The following CHRNE variants were observed in gnomAD, a reference collection of about 807,000 sequenced individuals.
CHRNE encodes the protein acetylcholine receptor subunit epsilon.
In CHRNE, 58 loss-of-function variants were observed where a neutral mutation model predicts 56.5. The observed-to-expected ratio is 1.03, with a 90% CI of 0.83 to 1.28. The LOEUF (loss-of-function observed/expected upper bound fraction) is 1.28, where lower values mean the gene tolerates loss of function less well. Among genes scored for constraint, CHRNE ranks in the 50% most tolerant of loss-of-function variants. The pLI is 0.00. For missense variants in CHRNE, 793 were observed against 688.9 expected, an observed-to-expected ratio of 1.15 and a Z score of -1.69; for synonymous variants, 385 against 297.9, an observed-to-expected ratio of 1.29 and a Z score of -3.01.
In CHRNE at chr17:4,901,621, G is replaced by GAGAGCTGCGGAGCC. The variant is rs768552387; in HGVS notation, c.501-10_504dup (p.Gln169GlyfsTer19). 22 of 1,613,826 alleles carry GAGAGCTGCGGAGCC rather than the reference G, an allele frequency of 1.4e-5. No individual in the cohort carries two copies. Among genetic ancestry groups the GAGAGCTGCGGAGCC allele is most frequent in the South Asian group, 1.1e-4 (10 of 91,090 alleles). On this transcript the variant is annotated frameshift_variant, in exon 6 of 12. Coordinates refer to ENST00000649488, the MANE Select transcript of CHRNE (RefSeq NM_000080.4). LOFTEE classifies it high-confidence loss of function. ...TCCACCTCTTCGGCATTGTACGTCTGAGAGCTGCGGAGCCAGGGCCGGGAG... is the reference window on the plus strand; with the variant it reads ...TCCACCTCTTCGGCATTGTACGTCTGAGAGCTGCGGAGCCAGAGCTGCGGAGCCAGGGCCGGGAG...
Position 4,902,015 on chromosome 17 carries a change from C to A in CHRNE, c.417G>T (p.Leu139=). The A allele has an allele frequency of 1.9e-6, 3 of 1,614,120 alleles. No individual in the cohort carries two copies. The highest frequency in any genetic ancestry group is 2.5e-6 in the Non-Finnish European group (3 of 1,180,038). The part of the protein sequence containing the change: ...LVYEGGSVTW[L]PPAIYRSVCA... ...AGACGCTGCGGTAGATGGCCGGAGG[C>A]AGCCACGTCACGGAGCCGCCCTCGT... The change falls in exon 5 of 12, where the codon CTG becomes CTT. Residue 139 remains leucine, a synonymous_variant. Transcript: ENST00000649488. This position sits in a 1 kb window ranked among gnomAD's most constrained non-coding sequence, Gnocchi z 4.0.
In CHRNE at chr17:4,901,295, C is replaced by T. The variant is rs563436065; in HGVS notation, c.602-105G>A. Reference sequence around the variant, plus strand: ...GGCTGTCTGCACCAGGGTCATGGGCCGTCAGGATGGGGGCAATTACGGACA... The same window carrying T: ...GGCTGTCTGCACCAGGGTCATGGGCTGTCAGGATGGGGGCAATTACGGACA... On this transcript the variant is annotated intron_variant, in intron 6 of 11. Transcript: ENST00000649488. 7.6e-5 allele frequency: 99 copies of T among 1,307,630 alleles called. No individual in the cohort carries two copies. In the African/African-American group the frequency reaches 1.3e-3, roughly 17 times the overall value. The allele number at this position is 1,307,630 out of a possible 1,614,324, so 81.0% of individuals were successfully genotyped here. A position where few individuals can be genotyped will look rare whatever the true frequency, so the allele number is the denominator to read the frequency against.
intron 9 of CHRNE, 25 bp from the exon 10 acceptor site, chr17:4,899,409 G>C: frequency 1.3e-6 from 2 of 1,540,206 alleles, no homozygotes; most frequent in Non-Finnish European, 1.7e-6. Context: ...GGGCTTAGGG[G>C]ACGAGGTTAG....
intron 8 of CHRNE, 99 bp downstream of exon 8, chr17:4,900,694 G>A (rs138412824): frequency 8.9e-5 from 130 of 1,466,718 alleles, no homozygotes; most frequent in Non-Finnish European, 1.2e-4. Context: ...AAAGCCCAGG[G>A]CGGGGCGAGA....
chr17:4,898,743 T>C lies in CHRNE; in HGVS notation c.1475A>G (p.Gln492Arg). The change falls in exon 12 of 12, where the codon CAG becomes CGG. Residue 492 changes from glutamine (Q) to arginine (R), a missense_variant. By Grantham distance (43) the Gln-to-Arg change is conservative. Transcript: ENST00000649488. Reference sequence around the variant, plus strand: ...AATTGAAGTCGGTGCGAGCTAAGGCTGGATACACGGCGCGTAGGGGAGATC... The same window carrying C: ...AATTGAAGTCGGTGCGAGCTAAGGCCGGATACACGGCGCGTAGGGGAGATC... ...VPDLPYAPCI[Q>R]P is the part of the protein sequence containing the mutation. 1 of 1,611,042 alleles carries C rather than the reference T, an allele frequency of 6.2e-7. No individual in the cohort carries two copies. Among genetic ancestry groups the C allele is most frequent in the South Asian group, 1.1e-5 (1 of 90,252 alleles).
chr17:4,907,903 A>G (rs571262057), upstream of CHRNE, among the ~76,000 whole-genome samples: 27 of 151,906 alleles, frequency 1.8e-4, no homozygotes, highest in Admixed American at 7.9e-4. Context: ...TTAGTCGGGC[A>G]CGGTGGCTCA....
intron 5 of CHRNE, 40 bp downstream of exon 5, chr17:4,901,892 C>CCG (rs386794777): frequency 1.0e-5 from 16 of 1,606,558 alleles, no homozygotes; most frequent in African/African-American, 6.8e-5. Flanking sequence ...AGGCCCCCCC[C>CCG]CAACAATAAT....
chr17:4,902,009 C>T lies in CHRNE; in HGVS notation c.423G>A (p.Pro141=). The T allele has an allele frequency of 1.2e-6, 2 of 1,614,100 alleles. No individual in the cohort carries two copies. Among genetic ancestry groups the T allele is most frequent in the East Asian group, 2.2e-5 (1 of 44,884 alleles). The change falls in exon 5 of 12, where the codon CCG becomes CCA. Residue 141 remains proline, a synonymous_variant. Coordinates refer to ENST00000649488, the MANE Select transcript of CHRNE (RefSeq NM_000080.4). The surrounding 1 kb of genome is among the most constrained non-coding windows in gnomAD (Gnocchi z 4.0). Reference sequence around the variant, plus strand: ...CTGCGCAGACGCTGCGGTAGATGGCCGGAGGCAGCCACGTCACGGAGCCGC... The same window carrying T: ...CTGCGCAGACGCTGCGGTAGATGGCTGGAGGCAGCCACGTCACGGAGCCGC... The part of the protein sequence containing the change: ...YEGGSVTWLP[P]AIYRSVCAVE...
chr17:4,898,521 C>T lies in CHRNE; in HGVS notation c.*215G>A, dbSNP rs1319660345. 2 of 624,582 alleles carry T rather than the reference C, an allele frequency of 3.2e-6. No homozygotes were observed. Among genetic ancestry groups the T allele is most frequent in the Non-Finnish European group, 5.6e-6 (2 of 356,464 alleles). The allele number at this position is 624,582 out of a possible 1,614,324, so 38.7% of individuals were successfully genotyped here. On this transcript the variant is annotated 3_prime_UTR_variant, in exon 12 of 12. Transcript: ENST00000649488. ...GTCCTTGCTTTCTGGAAGACTGGCA[C>T]CTGAGAGCCTATGTGAACCCTTTCC...
At chr17:4,899,856 C>T (rs1969906274) in intron 8 of CHRNE, 2 of 1,550,392 alleles carry the variant, frequency 1.3e-6, no homozygotes, top group African/African-American at 1.4e-5. Flanking sequence ...AAGGGCTGCA[C>T]CTCGAGACCT....
chr17:4,902,734 G>C lies in CHRNE; in HGVS notation c.76C>G (p.Arg26Gly). 1 of 1,613,970 alleles carries C rather than the reference G, an allele frequency of 6.2e-7. No individual in the cohort carries two copies. The highest frequency in any genetic ancestry group is 8.5e-7 in the Non-Finnish European group (1 of 1,180,008). ...GRGVGKNEELRLYHHLFNNYD... is the reference protein window; with the variant it reads ...GRGVGKNEELGLYHHLFNNYD... ...TTGTTGAAGAGATGGTGATAAAGAC[G>C]CAGTTCCTCGTTCTTCCCCACACCC... The change falls in exon 2 of 12, where the codon CGT (arginine) becomes GGT (glycine). Residue 26 changes from arginine (R) to glycine (G), a missense_variant. By Grantham distance (125) the Arg-to-Gly change is moderately radical. Coordinates refer to ENST00000649488, the MANE Select transcript of CHRNE (RefSeq NM_000080.4). This position sits in a 1 kb window ranked among gnomAD's most constrained non-coding sequence, Gnocchi z 4.0.
intron 6 of CHRNE, 32 bp from the exon 7 acceptor site, chr17:4,901,222 C>T: frequency 1.3e-6 from 2 of 1,590,118 alleles, no homozygotes; most frequent in African/African-American, 1.3e-5. Context: ...AGCTGGCTGT[C>T]AGAGCGGGGC....
In CHRNE at chr17:4,902,131, C is replaced by T; in HGVS notation, c.345-44G>A. On this transcript the variant is annotated intron_variant, in intron 4 of 11. Coordinates refer to ENST00000649488, the MANE Select transcript of CHRNE (RefSeq NM_000080.4). The surrounding 1 kb of genome is among the most constrained non-coding windows in gnomAD (Gnocchi z 4.0). ...CGAGCTTTTTGCACAGGTCTGCACC[C>T]TCTCAGAGTACCCCCTTCCCCAACC... The T allele has an allele frequency of 1.2e-6, 2 of 1,613,782 alleles. No individual in the cohort carries two copies. Among genetic ancestry groups the T allele is most frequent in the Non-Finnish European group, 1.7e-6 (2 of 1,179,862 alleles).
Position 4,903,006 on chromosome 17 carries a change from C to T in CHRNE, c.46+12G>A. ...GTGTGTGTCCAATTGCCCCTCTAGC[C>T]CCTGTCCGTACCGAGAAGCCCCAAG... is the stretch of plus-strand genomic sequence containing the variant. On this transcript the variant is annotated intron_variant, in intron 1 of 11. Transcript: ENST00000649488. 6.2e-7 allele frequency: 1 copy of T among 1,614,068 alleles called. No homozygotes were observed. Among genetic ancestry groups the T allele is most frequent in the Non-Finnish European group, 8.5e-7 (1 of 1,180,012 alleles).
At chr17:4,905,648 G>A (rs1970083702), upstream of CHRNE, among the ~76,000 whole-genome samples, 1 of 151,976 alleles carries the variant, frequency 6.6e-6, no homozygotes, top group African/African-American at 2.4e-5. Context: ...ACCACCTGAG[G>A]TCAAGAGTTC....
At position 4,899,335 on chromosome 17, in the gene CHRNE, T is replaced by TCGGGCGGCGGCGGGGAGCCC. The variant is rs2151094729; in HGVS notation, c.1062_1081dup (p.Glu361GlyfsTer31). The TCGGGCGGCGGCGGGGAGCCC allele has an allele frequency of 6.4e-7, 1 of 1,551,182 alleles. No homozygotes were observed. Among genetic ancestry groups the TCGGGCGGCGGCGGGGAGCCC allele is most frequent in the Non-Finnish European group, 8.7e-7 (1 of 1,155,300 alleles). On this transcript the variant is annotated frameshift_variant, in exon 10 of 12. Coordinates refer to ENST00000649488, the MANE Select transcript of CHRNE (RefSeq NM_000080.4). LOFTEE classifies it high-confidence loss of function. ...TGGGGGCGAGGCGGCCCGGGGGGCC[T>TCGGGCGGCGGCGGGGAGCCC]CGGGCGGCGGCGGGGAGCCCAGGAG...
At position 4,900,997 on chromosome 17, in the gene CHRNE, C is replaced by T. The variant is rs1567638559; in HGVS notation, c.795G>A (p.Pro265=). The part of the protein sequence containing the change: ...SGLVLLAYFL[P]AQAGGQKCTV... ...TTCGGGGCCACTGCTTACCCTGCGCCGGCAGGAAGTAGGCGAGCAGCACCA... is the reference window on the plus strand; with the variant it reads ...TTCGGGGCCACTGCTTACCCTGCGCTGGCAGGAAGTAGGCGAGCAGCACCA... Residue 265 remains proline, a synonymous_variant, in exon 7 of 12, where the codon CCG becomes CCA. Coordinates refer to ENST00000649488, the MANE Select transcript of CHRNE (RefSeq NM_000080.4). 31 of 1,613,824 alleles carry T rather than the reference C, an allele frequency of 1.9e-5. No homozygotes were observed. The highest frequency in any genetic ancestry group is 2.4e-5 in the Non-Finnish European group (28 of 1,179,890).
At chr17:4,903,124 G>T, upstream of CHRNE, 2 of 1,573,982 alleles carry the variant, frequency 1.3e-6, no homozygotes, top group Non-Finnish European at 1.7e-6. Flanking sequence ...GGCATGCCAG[G>T]GTGCCTGTGT....
At position 4,900,828 on chromosome 17, in the gene CHRNE, G is replaced by T; in HGVS notation, c.882C>A (p.Ile294=). ...GCGGCACGCTCAGAGAAGTCTCTGG[G>T]ATTTTCTGGGCAATGAGGAACAAGA... is the stretch of plus-strand genomic sequence containing the variant. ...TVFLFLIAQK[I]PETSLSVPLL... Residue 294 remains isoleucine (I), a synonymous_variant, in exon 8 of 12, where the codon ATC becomes ATA. Coordinates refer to ENST00000649488, the MANE Select transcript of CHRNE (RefSeq NM_000080.4). 1 of 1,614,184 alleles carries T rather than the reference G, an allele frequency of 6.2e-7. No homozygotes were observed. The highest frequency in any genetic ancestry group is 8.5e-7 in the Non-Finnish European group (1 of 1,179,990).
Sources: gnomAD v4.1 joint callset for allele counts (sites outside exome capture counted in the v4.1 genomes callset) on GRCh38, gnomAD v4.1.1 for gene constraint, Gnocchi (gnomAD v3.1) non-coding constraint, MANE v1.5 for transcripts, NCBI Gene and HGNC (gene_info 2026-07-23, HGNC 2026-07-21) for gene names.